TNS1: variants seen among roughly 807,000 people sequenced by gnomAD.
TNS1 encodes the protein tensin-1.
Under a neutral mutation model 168.6 loss-of-function variants are expected in TNS1, and 62 were observed. The observed-to-expected ratio is 0.37, with a 90% CI of 0.30 to 0.45. TNS1 has a LOEUF of 0.45. Among genes scored for constraint, TNS1 ranks in the 20% least tolerant of loss-of-function variants. The pLI is 1.00. For missense variants in TNS1, 2,240 were observed against 2,339.4 expected, an observed-to-expected ratio of 0.96 and a Z score of 0.88; for synonymous variants, 934 against 933.2, an observed-to-expected ratio of 1.00 and a Z score of -0.02.
intron 19 of TNS1, among the ~76,000 whole-genome samples, chr2:217,845,542 T>C (rs967023991): frequency 6.6e-6 from 1 of 152,212 alleles, no homozygotes; most frequent in African/African-American, 2.4e-5. Context: ...CAAATATAAG[T>C]GTCCCCTCTA....
chr2:217,983,887 G>A (rs1863793), intron 2 of TNS1, among the ~76,000 whole-genome samples: 2,270 of 152,250 alleles, frequency 0.015, 24 homozygotes, highest in Non-Finnish European at 0.025. Context: ...CTAGATATTC[G>A]GTGAAACACT....
chr2:217,978,242 GTCTC>G (rs1479822781), intron 3 of TNS1, among the ~76,000 whole-genome samples: 1 of 152,174 alleles, frequency 6.6e-6, no homozygotes, highest in Non-Finnish European at 1.5e-5. Flanking sequence ...GGAAGGGACA[GTCTC>G]TCAGGCGGTT....
chr2:217,905,329 C>G (rs1413105098), intron 6 of TNS1: 1 of 436,000 alleles, frequency 2.3e-6, no homozygotes, highest in Admixed American at 2.5e-5. Flanking sequence ...ATTTAAGAGG[C>G]ATGCTCCCTG....
chr2:217,965,189 T>C (rs1957595503), intron 3 of TNS1, among the ~76,000 whole-genome samples: 1 of 152,168 alleles, frequency 6.6e-6, no homozygotes, highest in Non-Finnish European at 1.5e-5. Context: ...CTGGGGCACT[T>C]AGCTCTTTAT....
chr2:218,005,323 C>T (rs192942488), upstream of TNS1, among the ~76,000 whole-genome samples: 6 of 152,324 alleles, frequency 3.9e-5, no homozygotes, highest in Non-Finnish European at 8.8e-5. Flanking sequence ...CGAGGAGGCC[C>T]TGCTGCTTCC....
chr2:217,838,001 C>T (rs1229398586), intron 19 of TNS1, among the ~76,000 whole-genome samples: 1 of 152,238 alleles, frequency 6.6e-6, no homozygotes, highest in African/African-American at 2.4e-5. Context: ...CTGGCAAAAA[C>T]ATTAGAGAGA....
rs1957964885 is a variant in TNS1, at chr2:217,978,937, G to A, written c.149-135C>T. 5 of 659,416 alleles carry A rather than the reference G, an allele frequency of 7.6e-6. No homozygotes were observed. In the East Asian group the frequency reaches 1.4e-4, roughly 18 times the overall value. The allele number at this position is 659,416 out of a possible 1,614,324, so 40.8% of individuals were successfully genotyped here. On this transcript the variant is annotated intron_variant, in intron 2 of 32. Coordinates refer to ENST00000682258, the MANE Select transcript of TNS1 (RefSeq NM_001387777.1). ...AGGGAAGGAGGGACGGAGGGAAGGA[G>A]AGAGGGAGAGAGGGAGGGGACGGAG... is the stretch of plus-strand genomic sequence containing the variant.
chr2:217,847,063 A>G (rs529246707), intron 19 of TNS1, among the ~76,000 whole-genome samples: 3 of 152,332 alleles, frequency 2.0e-5, no homozygotes, highest in African/African-American at 7.2e-5. Context: ...CTGAGGACAG[A>G]CAGCACGACA....
chr2:217,972,577 G>A (rs1399365858), intron 3 of TNS1, among the ~76,000 whole-genome samples: 2 of 152,258 alleles, frequency 1.3e-5, no homozygotes, highest in African/African-American at 4.8e-5. Flanking sequence ...CTCCGCCTCA[G>A]TTGGTACTTG....
rs1266601394 is a variant in TNS1, at chr2:217,801,964, T to C, written c.*2495A>G. ...GCCATGCATGCAAGGTGGGCTGTGG[T>C]GGGTGGTGAGGAAGGGAAAAGCGAC... On this transcript the variant is annotated 3_prime_UTR_variant, in exon 33 of 33. Transcript: ENST00000682258. 1 of 151,284 alleles carries C rather than the reference T, an allele frequency of 6.6e-6. No homozygotes were observed. Among genetic ancestry groups the C allele is most frequent in the East Asian group, 2.0e-4 (1 of 5,060 alleles). 9.4% of individuals were successfully genotyped at this position (151,284 alleles called of 1,614,324 possible). A position where few individuals can be genotyped will look rare whatever the true frequency, so the allele number is the denominator to read the frequency against.
intron 6 of TNS1, chr2:217,903,859 T>G: frequency 2.1e-6 from 1 of 482,406 alleles, no homozygotes. Flanking sequence ...TTCTTCCCCG[T>G]CATGAGGCAA....
intron 3 of TNS1, among the ~76,000 whole-genome samples, chr2:217,952,409 C>G (rs1226398409): frequency 1.3e-5 from 2 of 152,164 alleles, no homozygotes; most frequent in Non-Finnish European, 2.9e-5. Flanking sequence ...CATATTGCCT[C>G]TAAAAGGCCC....
chr2:217,874,973 C>T (rs1459757182), intron 18 of TNS1, among the ~76,000 whole-genome samples: 1 of 152,220 alleles, frequency 6.6e-6, no homozygotes, highest in Non-Finnish European at 1.5e-5. Context: ...AACCTTATTT[C>T]CAGCTTCTCA....
rs879532406 is a variant in TNS1 at position 217,862,982 on chromosome 2, C to T, written c.1430-13895G>A. ...AGACCTACAGCTGGAGCCAGGTGGC[C>T]AGGGCCCCTCACCCACACTGAGGGG... On this transcript the variant is annotated intron_variant, in intron 18 of 32. Coordinates refer to ENST00000682258, the MANE Select transcript of TNS1 (RefSeq NM_001387777.1). 2.0e-5 allele frequency among the ~76,000 whole-genome samples: 3 copies of T among 152,228 alleles called. No homozygotes were observed. In the East Asian group the frequency reaches 5.8e-4, roughly 29 times the overall value.
chr2:217,987,603 G>GC (rs1958231927), intron 2 of TNS1, among the ~76,000 whole-genome samples: 1 of 152,152 alleles, frequency 6.6e-6, no homozygotes, highest in Non-Finnish European at 1.5e-5. Context: ...CTTCCTCACT[G>GC]CCCCCTGCCT....
At chr2:217,901,538 G>A (rs1390392220) in intron 6 of TNS1, among the ~76,000 whole-genome samples, 1 of 152,100 alleles carries the variant, frequency 6.6e-6, no homozygotes, top group African/African-American at 2.4e-5. Context: ...TGCAGAATTG[G>A]GAAGGCCAGT....
intron 21 of TNS1, among the ~76,000 whole-genome samples, chr2:217,833,714 A>AAC (rs1182322179): frequency 2.0e-4 from 31 of 152,388 alleles, no homozygotes; most frequent in African/African-American, 7.2e-4. Flanking sequence ...ACATGGCCGC[A>AAC]GAGCCGTTGC....
rs373829895 is a variant in TNS1, at chr2:217,812,460, A to G, written c.4955-15T>C. ...AGACAGCGATCCTGTAGGGAGGCAG[A>G]CGGCATGTCATGGGCAGTGATACTG... is the stretch of plus-strand genomic sequence containing the variant. On this transcript the variant is annotated splice_polypyrimidine_tract_variant and intron_variant, in intron 27 of 32. Transcript: ENST00000682258. The G allele has an allele frequency of 1.2e-6, 2 of 1,612,800 alleles. No homozygotes were observed. Among genetic ancestry groups the G allele is most frequent in the African/African-American group, 2.7e-5 (2 of 74,866 alleles).
At chr2:217,918,840 C>A (rs1955412809) in intron 4 of TNS1, among the ~76,000 whole-genome samples, 1 of 152,232 alleles carries the variant, frequency 6.6e-6, no homozygotes, top group South Asian at 2.1e-4. Context: ...TGCACTCCAC[C>A]CCCCAGCCCC....
Sources: allele counts gnomAD v4.1 joint callset (sites outside exome capture counted in the v4.1 genomes callset), GRCh38; gene constraint gnomAD v4.1.1; transcripts MANE v1.5; gene names NCBI Gene and HGNC (gene_info 2026-07-23, HGNC 2026-07-21).